CDC42BPB: variants seen among roughly 807,000 people sequenced by gnomAD.
The protein encoded by CDC42BPB is CDC42 binding protein kinase beta.
Under a neutral mutation model 214.9 loss-of-function variants are expected in CDC42BPB, and 37 were observed. The observed-to-expected ratio is 0.17, with a 90% CI of 0.13 to 0.23. The LOEUF is 0.23. Among genes scored for constraint, CDC42BPB ranks in the 10% least tolerant of loss-of-function variants. The probability of loss-of-function intolerance (pLI) is 1.00; values close to 1 mark genes in which losing one functional copy is unlikely to be tolerated. For synonymous variants in CDC42BPB, 931 were observed against 884.0 expected, an observed-to-expected ratio of 1.05 and a Z score of -0.94; for missense variants, 1,694 against 2,227.0, an observed-to-expected ratio of 0.76 and a Z score of 4.82.
intron 21 of CDC42BPB, among the ~76,000 whole-genome samples, chr14:102,958,769 G>A (rs1414202653): frequency 1.3e-5 from 2 of 152,070 alleles, no homozygotes; most frequent in African/African-American, 4.8e-5. Context: ...CTTTCCCATC[G>A]ATCCCCAATG....
chr14:103,032,818 T>C (rs1307493393), intron 1 of CDC42BPB, among the ~76,000 whole-genome samples: 1 of 151,264 alleles, frequency 6.6e-6, no homozygotes, highest in Non-Finnish European at 1.5e-5. Flanking sequence ...TTTTAGTAGT[T>C]TCATCATGTT....
chr14:103,032,996 T>C (rs577605691), intron 1 of CDC42BPB, among the ~76,000 whole-genome samples: 1 of 152,198 alleles, frequency 6.6e-6, no homozygotes, highest in African/African-American at 2.4e-5. Flanking sequence ...ATTACTGTTA[T>C]TTTTTAATGT....
intron 1 of CDC42BPB, among the ~76,000 whole-genome samples, chr14:103,055,925 G>A (rs1390697765): frequency 2.6e-5 from 4 of 152,228 alleles, no homozygotes; most frequent in Admixed American, 2.6e-4. Flanking sequence ...ATGACCCAAG[G>A]ATAAGGTTTT....
chr14:102,949,992 C>A (rs1229211203), intron 25 of CDC42BPB, 88 bp from the exon 26 acceptor site: 9 of 1,569,602 alleles, frequency 5.7e-6, no homozygotes, highest in Non-Finnish European at 7.8e-6. Flanking sequence ...CTCCTTCCAG[C>A]TGCCAGGCTG....
At chr14:102,991,711 A>G (rs1377499719) in intron 5 of CDC42BPB, among the ~76,000 whole-genome samples, 1 of 152,210 alleles carries the variant, frequency 6.6e-6, no homozygotes, top group African/African-American at 2.4e-5. Context: ...ACAATACGTG[A>G]ATCTGATTAA....
rs533419963 is a variant in CDC42BPB at position 102,964,331 on chromosome 14, T to G, written c.2726+171A>C. ...CGGCCACCTCAGTGCCAGAACGGCC[T>G]GCTATTCGGGGCTCCTGCAGGTGAA... On this transcript the variant is annotated intron_variant, in intron 19 of 36. Coordinates refer to ENST00000361246, the MANE Select transcript of CDC42BPB (RefSeq NM_006035.4). 3.3e-5 allele frequency among the ~76,000 whole-genome samples: 5 copies of G among 152,312 alleles called. No homozygotes were observed. The South Asian group carries it at 1.0e-3, about 32-fold the overall frequency.
intron 30 of CDC42BPB, among the ~76,000 whole-genome samples, chr14:102,942,008 C>T (rs967290370): frequency 2.0e-5 from 3 of 152,250 alleles, no homozygotes; most frequent in Non-Finnish European, 2.9e-5. Context: ...ACGCCAGACA[C>T]GTGTGGCCAA....
At chr14:102,958,193 G>A (rs1052750058) in intron 21 of CDC42BPB, among the ~76,000 whole-genome samples, 4 of 152,216 alleles carry the variant, frequency 2.6e-5, no homozygotes, top group African/African-American at 9.6e-5. Context: ...GCTGTCCCAC[G>A]GCATCAGCAC....
intron 7 of CDC42BPB, among the ~76,000 whole-genome samples, chr14:102,982,149 A>G (rs1487707607): frequency 2.0e-5 from 3 of 152,150 alleles, no homozygotes; most frequent in Non-Finnish European, 4.4e-5. Context: ...GGATGAGACA[A>G]TTTTCATTAT....
chr14:102,975,090 G>A (rs1893677477), intron 11 of CDC42BPB, among the ~76,000 whole-genome samples: 1 of 152,226 alleles, frequency 6.6e-6, no homozygotes, highest in South Asian at 2.1e-4. Flanking sequence ...TAAGCTTTAG[G>A]AGGAAAGCAG....
chr14:102,983,083 A>G (rs1010152592), intron 7 of CDC42BPB, among the ~76,000 whole-genome samples: 21 of 152,162 alleles, frequency 1.4e-4, no homozygotes, highest in East Asian at 1.9e-4. Context: ...ACACATGATC[A>G]TTTACAGGGA....
chr14:102,978,080 A>G, intron 9 of CDC42BPB, 46 bp downstream of exon 9: 2 of 1,431,140 alleles, frequency 1.4e-6, no homozygotes, highest in Middle Eastern at 1.7e-4. Context: ...CTGTTCATCT[A>G]CCACAGGGGA....
At chr14:103,019,368 C>T (rs1886643815) in intron 1 of CDC42BPB, among the ~76,000 whole-genome samples, 1 of 152,216 alleles carries the variant, frequency 6.6e-6, no homozygotes, top group Admixed American at 6.5e-5. Context: ...CCTTGCATTG[C>T]CCACACCATC....
intron 30 of CDC42BPB, chr14:102,940,549 T>A (rs1037867003): frequency 5.6e-6 from 7 of 1,261,194 alleles, no homozygotes; most frequent in Non-Finnish European, 7.4e-6. Context: ...ATCACTTCCG[T>A]AACTAATATT....
intron 7 of CDC42BPB, among the ~76,000 whole-genome samples, chr14:102,983,129 G>A (rs988073925): frequency 6.6e-6 from 1 of 152,114 alleles, no homozygotes; most frequent in African/African-American, 2.4e-5. Flanking sequence ...AATCAAAGTT[G>A]GCACCTAACC....
At chr14:102,937,657 A>C (rs938720109) in intron 36 of CDC42BPB, among the ~76,000 whole-genome samples, 8 of 152,248 alleles carry the variant, frequency 5.3e-5, no homozygotes, top group African/African-American at 1.9e-4. Context: ...TGAGCTGCGC[A>C]CAACAGTGGC....
At chr14:103,017,400 G>A (rs1886526442) in intron 1 of CDC42BPB, among the ~76,000 whole-genome samples, 1 of 152,014 alleles carries the variant, frequency 6.6e-6, no homozygotes, top group East Asian at 1.9e-4. Context: ...GATGAAAAAT[G>A]GGATATTTAT....
At chr14:102,946,833 G>A (rs938397874) in intron 27 of CDC42BPB, 149 bp from the exon 28 acceptor site, 5 of 1,447,234 alleles carry the variant, frequency 3.5e-6, no homozygotes, top group Non-Finnish European at 4.5e-6. Context: ...ACCTCGCTGG[G>A]CGCCTTGCAG....
At chr14:103,036,685 T>C (rs141340124) in intron 1 of CDC42BPB, among the ~76,000 whole-genome samples, 22 of 152,346 alleles carry the variant, frequency 1.4e-4, no homozygotes, top group African/African-American at 5.1e-4. Context: ...TGTTTTATTC[T>C]GGGAATGCAC....
Sources: gnomAD v4.1 joint callset for allele counts (sites outside exome capture counted in the v4.1 genomes callset) on GRCh38, gnomAD v4.1.1 for gene constraint, MANE v1.5 for transcripts, NCBI Gene and HGNC (gene_info 2026-07-23, HGNC 2026-07-21) for gene names.